ENTHD1: variants seen among roughly 807,000 people sequenced by gnomAD.
ENTHD1 encodes ENTH domain containing 1, also known as ENTH domain-containing protein 1.
In ENTHD1, 23 loss-of-function variants were observed where a neutral mutation model predicts 39.1. The observed-to-expected ratio is 0.59, with a 90% CI of 0.42 to 0.83. ENTHD1 has a LOEUF of 0.83. Ranked by LOEUF, ENTHD1 falls within the 40% of genes least tolerant of loss-of-function variation. ENTHD1 has a pLI of 0.00. For synonymous variants in ENTHD1, 230 were observed against 258.2 expected, an observed-to-expected ratio of 0.89 and a Z score of 1.05; for missense variants, 624 against 705.4, an observed-to-expected ratio of 0.88 and a Z score of 1.31.
chr22:39,865,108 T>C (rs1454585314), intron 2 of ENTHD1, among the ~76,000 whole-genome samples: 1 of 152,120 alleles, frequency 6.6e-6, no homozygotes, highest in Non-Finnish European at 1.5e-5. Context: ...ATAGAATAGA[T>C]ATGAAATATT....
At chr22:39,790,249 T>C (rs1445328263) in intron 5 of ENTHD1, among the ~76,000 whole-genome samples, 1 of 152,158 alleles carries the variant, frequency 6.6e-6, no homozygotes, top group African/African-American at 2.4e-5. Context: ...GAGGGCTCCA[T>C]GGAGCACAGG....
chr22:39,848,847 C>T (rs966680966), intron 3 of ENTHD1, among the ~76,000 whole-genome samples: 1 of 152,098 alleles, frequency 6.6e-6, no homozygotes, highest in Non-Finnish European at 1.5e-5. Context: ...TTCTTCTAAA[C>T]GTTTCAAAGT....
chr22:39,774,016 C>T (rs141921144), intron 5 of ENTHD1, among the ~76,000 whole-genome samples: 33 of 152,264 alleles, frequency 2.2e-4, no homozygotes, highest in Non-Finnish European at 3.8e-4. Flanking sequence ...TTCAGCGTTA[C>T]GAGTGCACAG....
At chr22:39,883,262 T>A (rs555690085) in intron 2 of ENTHD1, among the ~76,000 whole-genome samples, 19 of 152,220 alleles carry the variant, frequency 1.2e-4, no homozygotes, top group African/African-American at 4.3e-4. Context: ...ACTCATAAAG[T>A]CTAGCATAGT....
At chr22:39,791,834 T>C (rs2065506761) in intron 5 of ENTHD1, among the ~76,000 whole-genome samples, 1 of 152,180 alleles carries the variant, frequency 6.6e-6, no homozygotes, top group Non-Finnish European at 1.5e-5. Flanking sequence ...CTGGGTACTA[T>C]GCTCAGTTTT....
At chr22:39,760,355 G>GTT (rs1300234835) in intron 6 of ENTHD1, among the ~76,000 whole-genome samples, 1 of 151,846 alleles carries the variant, frequency 6.6e-6, no homozygotes, top group Non-Finnish European at 1.5e-5. Context: ...TATCCCTCAT[G>GTT]TTTTGGCCTA....
chr22:39,871,221 A>G (rs2066241408), intron 2 of ENTHD1, among the ~76,000 whole-genome samples: 1 of 151,442 alleles, frequency 6.6e-6, no homozygotes, highest in Non-Finnish European at 1.5e-5. Context: ...ATAAATAAAT[A>G]CGGACCTTCC....
chr22:39,802,481 C>A (rs1346233356), intron 5 of ENTHD1, among the ~76,000 whole-genome samples: 4 of 152,168 alleles, frequency 2.6e-5, no homozygotes, highest in Non-Finnish European at 5.9e-5. Flanking sequence ...CAGGGCAGGA[C>A]CCCTCTGGAA....
intron 6 of ENTHD1, among the ~76,000 whole-genome samples, chr22:39,757,401 C>T (rs1344003663): frequency 6.6e-6 from 1 of 152,112 alleles, no homozygotes; most frequent in African/African-American, 2.4e-5. Context: ...TCCCAAGGAG[C>T]TGGGACCACA....
At chr22:39,747,002 T>A (rs1179212717) in intron 6 of ENTHD1, among the ~76,000 whole-genome samples, 2 of 152,204 alleles carry the variant, frequency 1.3e-5, no homozygotes, top group Non-Finnish European at 2.9e-5. Context: ...TTTTTTCTTT[T>A]TTTTAGAAAC....
chr22:39,764,874 T>C (rs1601578039), intron 6 of ENTHD1, among the ~76,000 whole-genome samples: 1 of 152,074 alleles, frequency 6.6e-6, no homozygotes, highest in Non-Finnish European at 1.5e-5. Context: ...AATAACCAAT[T>C]CTTTTTCATA....
chr22:39,779,920 C>T (rs917771890), intron 5 of ENTHD1, among the ~76,000 whole-genome samples: 4 of 151,706 alleles, frequency 2.6e-5, no homozygotes, highest in Non-Finnish European at 5.9e-5. Flanking sequence ...TTGTGGTAAC[C>T]GCAAGGCAAA....
chr22:39,743,419 G>A lies in ENTHD1; in HGVS notation c.*260C>T, dbSNP rs1038477508. On this transcript the variant is annotated 3_prime_UTR_variant, in exon 7 of 7. Transcript: ENST00000325157. ...ATGCTTAACCCATTTGAGGTACAGAGCATGAAAGAATGAAATTCTCTTCTG... is the reference window on the plus strand; with the variant it reads ...ATGCTTAACCCATTTGAGGTACAGAACATGAAAGAATGAAATTCTCTTCTG... 1.9e-5 allele frequency: 7 copies of A among 375,226 alleles called. No individual in the cohort carries two copies. The highest frequency in any genetic ancestry group is 3.3e-5 in the Non-Finnish European group (7 of 211,766). The allele number at this position is 375,226 out of a possible 1,614,324, so 23.2% of individuals were successfully genotyped here. A position where few individuals can be genotyped will look rare whatever the true frequency, so the allele number is the denominator to read the frequency against.
At chr22:39,752,867 C>T (rs1421010052) in intron 6 of ENTHD1, among the ~76,000 whole-genome samples, 1 of 152,218 alleles carries the variant, frequency 6.6e-6, no homozygotes, top group East Asian at 1.9e-4. Flanking sequence ...GCCAGCCTGA[C>T]CAGTAACTCA....
chr22:39,835,776 T>C, intron 4 of ENTHD1, 64 bp downstream of exon 4: 4 of 1,189,842 alleles, frequency 3.4e-6, no homozygotes, highest in Non-Finnish European at 4.8e-6. Context: ...AATAAATTTG[T>C]TTGTTTTAAG....
At chr22:39,772,469 C>T (rs1242418021) in intron 5 of ENTHD1, among the ~76,000 whole-genome samples, 1 of 152,012 alleles carries the variant, frequency 6.6e-6, no homozygotes, top group Non-Finnish European at 1.5e-5. Flanking sequence ...CTAAATAGAC[C>T]GTGAATACCT....
chr22:39,845,874 C>CT lies in ENTHD1; in HGVS notation c.593-9917dup, dbSNP rs199809325. ...GTTGGAAAATTTTCCCATTTTGCGG[C>CT]TTTTTTTTTCACTTTTACATGGTGT... On this transcript the variant is annotated intron_variant, in intron 3 of 6. Coordinates refer to ENST00000325157, the MANE Select transcript of ENTHD1 (RefSeq NM_152512.4). Among the ~76,000 whole-genome samples the CT allele has an allele frequency of 5.4e-3, 802 of 149,736 alleles. 8 individuals carry two copies. The highest frequency in any genetic ancestry group is 0.018 in the African/African-American group (753 of 40,778).
intron 2 of ENTHD1, among the ~76,000 whole-genome samples, chr22:39,882,809 C>G (rs2066348949): frequency 6.6e-6 from 1 of 151,814 alleles, no homozygotes; most frequent in Non-Finnish European, 1.5e-5. Flanking sequence ...TCAAGACCAG[C>G]CTGCCCAAGA....
At chr22:39,747,136 G>A (rs1349712321) in intron 6 of ENTHD1, among the ~76,000 whole-genome samples, 1 of 152,050 alleles carries the variant, frequency 6.6e-6, no homozygotes, top group East Asian at 1.9e-4. Context: ...ACAGGTGTGG[G>A]CCACCAATGC....
Sources: gnomAD v4.1 joint callset for allele counts (sites outside exome capture counted in the v4.1 genomes callset) on GRCh38, gnomAD v4.1.1 for gene constraint, MANE v1.5 for transcripts, NCBI Gene and HGNC (gene_info 2026-07-23, HGNC 2026-07-21) for gene names.